Variants in FARS2 observed in about 807,000 individuals in gnomAD.
The protein encoded by FARS2 is phenylalanyl-tRNA synthetase 2, mitochondrial.
A neutral mutation model predicts 46.4 loss-of-function variants in FARS2; 40 were observed. That is an observed-to-expected ratio of 0.86 (90% confidence interval 0.67 to 1.12). The LOEUF (loss-of-function observed/expected upper bound fraction) is 1.12, where lower values mean the gene tolerates loss of function less well. Among genes scored for constraint, FARS2 ranks in the 50% most tolerant of loss-of-function variants. The pLI is 0.00. For missense variants in FARS2, 513 were observed against 567.9 expected (o/e 0.90, Z 0.98); for synonymous variants, 234 against 214.9 (o/e 1.09, Z -0.78).
chr6:5,541,973 A>G (rs1349665816), intron 4 of FARS2, among the ~76,000 whole-genome samples: 1 of 152,152 alleles, frequency 6.6e-6, no homozygotes, highest in Non-Finnish European at 1.5e-5. Flanking sequence ...GCATTTGTAA[A>G]CTGTCATTGT....
At chr6:5,520,124 C>T (rs1299545449) in intron 4 of FARS2, among the ~76,000 whole-genome samples, 1 of 152,136 alleles carries the variant, frequency 6.6e-6, no homozygotes, top group Non-Finnish European at 1.5e-5. Flanking sequence ...CTGCCGCACC[C>T]TAGGGTGAGC....
intron 3 of FARS2, among the ~76,000 whole-genome samples, chr6:5,422,837 A>C (rs957326231): frequency 6.6e-5 from 10 of 152,174 alleles, no homozygotes; most frequent in Non-Finnish European, 1.0e-4. Context: ...TTATGAGCTG[A>C]ATTTCATGAC....
intron 2 of FARS2, among the ~76,000 whole-genome samples, chr6:5,398,970 TTTAG>T (rs1310104033): frequency 6.6e-6 from 1 of 152,080 alleles, no homozygotes; most frequent in African/African-American, 2.4e-5. Flanking sequence ...TTTCATCTTA[TTTAG>T]TTAAAATACT....
chr6:5,336,638 C>G (rs1771180207), intron 1 of FARS2, among the ~76,000 whole-genome samples: 1 of 152,040 alleles, frequency 6.6e-6, no homozygotes, highest in Non-Finnish European at 1.5e-5. Context: ...ATCATTTATC[C>G]TTGAGTTACA....
chr6:5,332,212 A>G (rs1770845930), intron 1 of FARS2, among the ~76,000 whole-genome samples: 1 of 152,174 alleles, frequency 6.6e-6, no homozygotes, highest in South Asian at 2.1e-4. Flanking sequence ...CTGAGCACCC[A>G]GTGTGCAGCA....
At chr6:5,691,058 C>A (rs1757675979) in intron 6 of FARS2, among the ~76,000 whole-genome samples, 1 of 152,096 alleles carries the variant, frequency 6.6e-6, no homozygotes, top group Non-Finnish European at 1.5e-5. Context: ...TTAAGGACTT[C>A]CCTGCATTGG....
At chr6:5,641,972 G>T (rs1485161309) in intron 6 of FARS2, among the ~76,000 whole-genome samples, 1 of 152,180 alleles carries the variant, frequency 6.6e-6, no homozygotes, top group Admixed American at 6.5e-5. Flanking sequence ...TCACTAGACT[G>T]TTAACTCCTT....
intron 5 of FARS2, among the ~76,000 whole-genome samples, chr6:5,554,854 C>T (rs1416253256): frequency 6.6e-6 from 1 of 151,572 alleles, no homozygotes; most frequent in Non-Finnish European, 1.5e-5. Flanking sequence ...TAAGCTGTTA[C>T]TGTTGCCTAT....
chr6:5,756,016 G>GTTTTC (rs915428770), intron 6 of FARS2, among the ~76,000 whole-genome samples: 13 of 152,150 alleles, frequency 8.5e-5, no homozygotes, highest in African/African-American at 2.9e-4. Flanking sequence ...GTTTTGTTTT[G>GTTTTC]TTTTCCCTAG....
intron 6 of FARS2, among the ~76,000 whole-genome samples, chr6:5,671,645 A>G (rs963852215): frequency 1.3e-5 from 2 of 152,222 alleles, no homozygotes; most frequent in South Asian, 4.1e-4. Context: ...TGGAAAAAAT[A>G]GGAAAGGACT....
chr6:5,637,153 A>G (rs1168224921), intron 6 of FARS2, among the ~76,000 whole-genome samples: 1 of 152,238 alleles, frequency 6.6e-6, no homozygotes, highest in Non-Finnish European at 1.5e-5. Flanking sequence ...CTTGCAGAGA[A>G]GAGAACCCAG....
At chr6:5,693,258 A>G (rs1582780372) in intron 6 of FARS2, among the ~76,000 whole-genome samples, 1 of 152,200 alleles carries the variant, frequency 6.6e-6, no homozygotes, top group East Asian at 1.9e-4. Context: ...AAAATGTGGC[A>G]TCTGAAAAGC....
At position 5,727,655 on chromosome 6, in the gene FARS2, G is replaced by A. The variant is rs1256459237; in HGVS notation, c.1218-43636G>A. ...TGGCACCTATACATCTTTAATACACGCCCCAATTAATGAGTTAAGTCCAGA... is the reference window on the plus strand; with the variant it reads ...TGGCACCTATACATCTTTAATACACACCCCAATTAATGAGTTAAGTCCAGA... On this transcript the variant is annotated intron_variant, in intron 6 of 6. Transcript: ENST00000274680. This position sits in a 1 kb window ranked among gnomAD's most constrained non-coding sequence, Gnocchi z 4.1. Among the ~76,000 whole-genome samples, 4 of 152,054 alleles carry A rather than the reference G, an allele frequency of 2.6e-5. No individual in the cohort carries two copies. The highest frequency in any genetic ancestry group is 4.4e-5 in the Non-Finnish European group (3 of 68,024).
intron 4 of FARS2, among the ~76,000 whole-genome samples, chr6:5,458,299 G>T (rs1765028018): frequency 6.6e-6 from 1 of 152,228 alleles, no homozygotes; most frequent in African/African-American, 2.4e-5. Context: ...CTGTACCTGT[G>T]TCTGAAACAC....
rs546191530 is a variant in FARS2 at position 5,717,935 on chromosome 6, T to TAGAGAGAGAGAGAGAGAG, written c.1218-53355_1218-53354insGAGAGAGAGAGAGAGAGA. On this transcript the variant is annotated intron_variant, in intron 6 of 6. Transcript: ENST00000274680. ...ATATATATATATATATATATATATATACAGAGTCTCACTCTGTCGCCCAGG... is the reference window on the plus strand; with the variant it reads ...ATATATATATATATATATATATATATAGAGAGAGAGAGAGAGAGACAGAGTCTCACTCTGTCGCCCAGG... Among the ~76,000 whole-genome samples the TAGAGAGAGAGAGAGAGAG allele has an allele frequency of 3.7e-4, 50 of 135,634 alleles. 2 individuals are homozygous for TAGAGAGAGAGAGAGAGAG. The highest frequency in any genetic ancestry group is 8.4e-4 in the East Asian group (4 of 4,734). 89.0% of individuals were successfully genotyped at this position (135,634 alleles called of 152,430 possible). A position where few individuals can be genotyped will look rare whatever the true frequency, so the allele number is the denominator to read the frequency against.
chr6:5,445,921 C>G (rs1764157638), intron 4 of FARS2, among the ~76,000 whole-genome samples: 1 of 152,104 alleles, frequency 6.6e-6, no homozygotes, highest in South Asian at 2.1e-4. Context: ...ATTTTGTGGC[C>G]AGGTGCGGTG....
At chr6:5,622,783 TATTA>T (rs774266039) in intron 6 of FARS2, among the ~76,000 whole-genome samples, 3 of 152,368 alleles carry the variant, frequency 2.0e-5, no homozygotes, top group South Asian at 4.1e-4. Flanking sequence ...TTCTATTGTG[TATTA>T]ATTACTCAAT....
intron 6 of FARS2, among the ~76,000 whole-genome samples, chr6:5,702,333 T>C (rs1193868454): frequency 6.6e-6 from 1 of 152,252 alleles, no homozygotes; most frequent in Non-Finnish European, 1.5e-5. Context: ...AAACTATATA[T>C]GCTCAACCAG....
chr6:5,481,941 C>G (rs944979695), intron 4 of FARS2, among the ~76,000 whole-genome samples: 1 of 152,112 alleles, frequency 6.6e-6, no homozygotes, highest in African/African-American at 2.4e-5. Context: ...GGACTGTCCT[C>G]GTAAGTTCCT....
Sources: allele counts gnomAD v4.1 joint callset (sites outside exome capture counted in the v4.1 genomes callset), GRCh38; gene constraint gnomAD v4.1.1; non-coding constraint Gnocchi (gnomAD v3.1); transcripts MANE v1.5; gene names NCBI Gene and HGNC (gene_info 2026-07-23, HGNC 2026-07-21).